MARCHF1: variants seen among roughly 807,000 people sequenced by gnomAD.
The protein encoded by MARCHF1 is E3 ubiquitin-protein ligase MARCHF1.
A neutral mutation model predicts 54.2 loss-of-function variants in MARCHF1; 40 were observed. The ratio of observed to expected loss-of-function variants is 0.74; its 90% CI spans 0.57 to 0.96. The LOEUF (loss-of-function observed/expected upper bound fraction) is 0.96. MARCHF1 is among the 40% of genes least tolerant of loss of function. The probability of loss-of-function intolerance (pLI) is 0.00; values close to 1 mark genes in which losing one functional copy is unlikely to be tolerated. For synonymous variants in MARCHF1, 236 were observed against 236.3 expected (o/e 1.00, Z 0.01); for missense variants, 586 against 656.5 (o/e 0.89, Z 1.17).
chr4:163,874,696 T>C (rs990707460), intron 3 of MARCHF1, among the ~76,000 whole-genome samples: 3 of 152,178 alleles, frequency 2.0e-5, no homozygotes, highest in African/African-American at 4.8e-5. Context: ...AAAATTATCA[T>C]TGGAAATTTT....
chr4:163,669,904 GT>G (rs2111125870), intron 5 of MARCHF1, among the ~76,000 whole-genome samples: 1 of 152,094 alleles, frequency 6.6e-6, no homozygotes, highest in East Asian at 1.9e-4. Flanking sequence ...GGCCTGAGAT[GT>G]TTATCTTCTT....
chr4:164,268,731 A>G (rs561206843), intron 1 of MARCHF1, among the ~76,000 whole-genome samples: 37 of 152,322 alleles, frequency 2.4e-4, no homozygotes, highest in African/African-American at 7.2e-4. Context: ...ATTAAAATAT[A>G]AAGAATTGTC....
chr4:163,745,175 C>T lies in MARCHF1; in HGVS notation c.112-44312G>A, dbSNP rs140149001. Among the ~76,000 whole-genome samples, 14 of 150,940 alleles carry T rather than the reference C, an allele frequency of 9.3e-5. No individual in the cohort carries two copies. The East Asian group carries it at 2.1e-3, about 23-fold the overall frequency. On this transcript the variant is annotated intron_variant, in intron 4 of 9. Transcript: ENST00000514618. Reference sequence around the variant, plus strand: ...TCACCCAGGCTGTAGTGCAGTGGCACGATCTCAGCTCATGGCAACCTCTGT... The same window carrying T: ...TCACCCAGGCTGTAGTGCAGTGGCATGATCTCAGCTCATGGCAACCTCTGT...
intron 2 of MARCHF1, among the ~76,000 whole-genome samples, chr4:164,088,712 C>G (rs912608247): frequency 1.3e-5 from 2 of 152,018 alleles, no homozygotes; most frequent in African/African-American, 4.8e-5. Flanking sequence ...GCACTCTGGC[C>G]TGGGAGACAG....
At chr4:164,029,963 G>A (rs1176570994) in intron 2 of MARCHF1, among the ~76,000 whole-genome samples, 1 of 152,152 alleles carries the variant, frequency 6.6e-6, no homozygotes, top group African/African-American at 2.4e-5. Flanking sequence ...CCCCTTTGGG[G>A]ATTCTATCAT....
At chr4:163,604,992 G>T (rs1178256081) in intron 7 of MARCHF1, among the ~76,000 whole-genome samples, 1 of 151,924 alleles carries the variant, frequency 6.6e-6, no homozygotes, top group Non-Finnish European at 1.5e-5. Flanking sequence ...TGAAATATAA[G>T]TTCATAAAAG....
intron 2 of MARCHF1, among the ~76,000 whole-genome samples, chr4:164,096,820 T>C (rs1177171069): frequency 6.6e-6 from 1 of 152,174 alleles, no homozygotes; most frequent in Non-Finnish European, 1.5e-5. Flanking sequence ...GATCATTTTT[T>C]AGCCATAAGT....
intron 3 of MARCHF1, among the ~76,000 whole-genome samples, chr4:163,896,772 A>C (rs1353516163): frequency 6.6e-6 from 1 of 152,158 alleles, no homozygotes. Context: ...TTGCAGGTGC[A>C]ATGATAAGCC....
chr4:164,325,402 T>C (rs1735250278), intron 1 of MARCHF1, among the ~76,000 whole-genome samples: 1 of 150,784 alleles, frequency 6.6e-6, no homozygotes, highest in African/African-American at 2.4e-5. Flanking sequence ...CCAATACAGC[T>C]TTTTAAAAGA....
chr4:163,590,057 GGTGTGTGTGT>G (rs34885496), intron 7 of MARCHF1, among the ~76,000 whole-genome samples: 1 of 146,168 alleles, frequency 6.8e-6, no homozygotes, highest in Non-Finnish European at 1.5e-5. Flanking sequence ...TTTAGATTTT[GGTGTGTGTGT>G]GTGTGTGTGT....
intron 4 of MARCHF1, among the ~76,000 whole-genome samples, chr4:163,748,502 A>G (rs1169885029): frequency 2.6e-5 from 4 of 152,014 alleles, no homozygotes; most frequent in Admixed American, 6.6e-5. Context: ...GTATTGATTC[A>G]CTGTTCCTCA....
rs139292410 is a variant in MARCHF1, at chr4:163,976,601, G to A, written c.-39+11900C>T. The stretch of plus-strand genomic sequence containing the variant: ...ACCAATAGGCTACTGCCTCAATGAC[G>A]TCTGGTGATTTCTGAGGCTAGGTTA... On this transcript the variant is annotated intron_variant, in intron 3 of 9. Coordinates refer to ENST00000514618, the MANE Select transcript of MARCHF1 (RefSeq NM_001394959.1). Among the ~76,000 whole-genome samples, 30 of 152,182 alleles carry A rather than the reference G, an allele frequency of 2.0e-4. 1 individual carries two copies. Among genetic ancestry groups the A allele is most frequent in the African/African-American group, 5.8e-4 (24 of 41,520 alleles).
At position 163,986,246 on chromosome 4, in the gene MARCHF1, C is replaced by CTTTTTTTTTTTTTTTTTTT. The variant is rs1752861022; in HGVS notation, c.-39+2254_-39+2255insAAAAAAAAAAAAAAAAAAA. Among the ~76,000 whole-genome samples the CTTTTTTTTTTTTTTTTTTT allele has an allele frequency of 6.4e-4, 47 of 73,772 alleles. 6 individuals carry two copies. Among genetic ancestry groups the CTTTTTTTTTTTTTTTTTTT allele is most frequent in the Non-Finnish European group, 1.0e-3 (37 of 36,396 alleles). The allele number at this position is 73,772 out of a possible 152,430, so 48.4% of individuals were successfully genotyped here. A position where few individuals can be genotyped will look rare whatever the true frequency, so the allele number is the denominator to read the frequency against. ...CCTTTCCTTTTCTCCTAATTAACCTCTTCTTTTTTTTTTTTTTTTTTTTTT... is the reference window on the plus strand; with the variant it reads ...CCTTTCCTTTTCTCCTAATTAACCTCTTTTTTTTTTTTTTTTTTTTTCTTTTTTTTTTTTTTTTTTTTTT... On this transcript the variant is annotated intron_variant, in intron 3 of 9. Coordinates refer to ENST00000514618, the MANE Select transcript of MARCHF1 (RefSeq NM_001394959.1).
At chr4:163,837,146 A>T (rs1325393588) in intron 4 of MARCHF1, among the ~76,000 whole-genome samples, 1 of 152,192 alleles carries the variant, frequency 6.6e-6, no homozygotes, top group Non-Finnish European at 1.5e-5. Flanking sequence ...TTCATGAATC[A>T]CAATTAAGGG....
At chr4:163,931,643 G>T (rs1751679192) in intron 3 of MARCHF1, among the ~76,000 whole-genome samples, 1 of 152,180 alleles carries the variant, frequency 6.6e-6, no homozygotes, top group African/African-American at 2.4e-5. Flanking sequence ...TATGGTATTT[G>T]TTAGAGCAAC....
At chr4:163,971,131 C>T (rs914606902) in intron 3 of MARCHF1, among the ~76,000 whole-genome samples, 2 of 137,208 alleles carry the variant, frequency 1.5e-5, no homozygotes, top group Non-Finnish European at 3.1e-5. Context: ...ACTTCTCTCT[C>T]GTACCCTATT....
intron 2 of MARCHF1, among the ~76,000 whole-genome samples, chr4:164,109,912 T>A (rs1042588876): frequency 8.1e-3 from 509 of 63,112 alleles, no homozygotes; most frequent in South Asian, 0.019. Flanking sequence ...AAAATAAAAG[T>A]AAAAAAAAAA....
chr4:164,190,235 G>A (rs1731089475), intron 1 of MARCHF1: 5 of 1,314,170 alleles, frequency 3.8e-6, no homozygotes, highest in Non-Finnish European at 5.4e-6. Context: ...CTAACAAGAA[G>A]GAACTGGAAG....
chr4:163,979,916 A>C (rs1292473085), intron 3 of MARCHF1, among the ~76,000 whole-genome samples: 1 of 151,918 alleles, frequency 6.6e-6, no homozygotes. Context: ...TAGATTCTGG[A>C]TATTAGCCCT....
Sources: allele counts gnomAD v4.1 joint callset (sites outside exome capture counted in the v4.1 genomes callset), GRCh38; gene constraint gnomAD v4.1.1; transcripts MANE v1.5; gene names NCBI Gene and HGNC (gene_info 2026-07-23, HGNC 2026-07-21).